Variants in ADA observed in about 807,000 individuals in gnomAD.
ADA encodes adenosine deaminase.
In ADA, 45 loss-of-function variants were observed where a neutral mutation model predicts 49.0. That is an observed-to-expected ratio of 0.92 (90% confidence interval 0.72 to 1.18). The LOEUF is 1.18. ADA is among the 50% of genes most tolerant of loss of function. The pLI is 0.00. For missense variants in ADA, 445 were observed against 472.5 expected, an observed-to-expected ratio of 0.94 and a Z score of 0.54; for synonymous variants, 173 against 184.2, an observed-to-expected ratio of 0.94 and a Z score of 0.49.
At chr20:44,626,958 C>A (rs183408486) in intron 3 of ADA, among the ~76,000 whole-genome samples, 1 of 152,228 alleles carries the variant, frequency 6.6e-6, no homozygotes, top group South Asian at 2.1e-4. Flanking sequence ...CTTCCTGCCA[C>A]GGAGAGTGAC....
rs759962237 is a variant in ADA, at chr20:44,626,472, G to A, written c.346C>T (p.Pro116Ser). Reference protein sequence around the residue: ...LLANSKVEPIPWNQAEGDLTP... With the variant: ...LLANSKVEPISWNQAEGDLTP... ...ATCACTCACTCAGCCTGGTTCCAGG[G>A]GATTGGCTCCACTTTGGAGTTGGCC... The change falls in exon 4 of 12, where the codon CCC (proline) becomes TCC (serine). Residue 116 changes from proline to serine, a missense_variant. By Grantham distance (74) the Pro-to-Ser change is moderately conservative (BLOSUM62 -1). Coordinates refer to ENST00000372874, the MANE Select transcript of ADA (RefSeq NM_000022.4). 1 of 1,613,970 alleles carries A rather than the reference G, an allele frequency of 6.2e-7. No individual in the cohort carries two copies. The highest frequency in any genetic ancestry group is 1.1e-5 in the South Asian group (1 of 91,070).
intron 1 of ADA, among the ~76,000 whole-genome samples, chr20:44,646,890 C>T (rs2065597536): frequency 6.6e-6 from 1 of 152,010 alleles, no homozygotes; most frequent in Admixed American, 6.5e-5. Context: ...TCAAGTCTAG[C>T]TCTGCTGCTT....
chr20:44,633,842 A>G (rs2065455365), intron 2 of ADA, among the ~76,000 whole-genome samples: 2 of 152,268 alleles, frequency 1.3e-5, no homozygotes, highest in Non-Finnish European at 2.9e-5. Context: ...GGCAGGCCTG[A>G]GTCCCAGAGC....
At chr20:44,629,255 G>A (rs964412302) in intron 2 of ADA, 86 bp from the exon 3 acceptor site, 24 of 1,588,324 alleles carry the variant, frequency 1.5e-5, no homozygotes, top group African/African-American at 8.1e-5. Context: ...ACTCAGGAGC[G>A]CCAGCCTCCT....
intron 1 of ADA, among the ~76,000 whole-genome samples, chr20:44,645,559 T>C (rs924329255): frequency 1.3e-5 from 2 of 151,480 alleles, no homozygotes; most frequent in African/African-American, 2.4e-5. Flanking sequence ...GAGGCAGAGG[T>C]TGTAGTGAGC....
Position 44,643,106 on chromosome 20 carries a change from A to T in ADA, c.34-6818T>A, listed in dbSNP as rs559230783. Among the ~76,000 whole-genome samples, 265 of 152,346 alleles carry T rather than the reference A, an allele frequency of 1.7e-3. 1 individual carries two copies. The highest frequency in any genetic ancestry group is 0.017 in the South Asian group (81 of 4,832). On this transcript the variant is annotated intron_variant, in intron 1 of 11. Transcript: ENST00000372874. ...CACACCATGGGAAGTCTGTCAGCCTATTCCAGATGACAATGACAATGGGGT... is the reference window on the plus strand; with the variant it reads ...CACACCATGGGAAGTCTGTCAGCCTTTTCCAGATGACAATGACAATGGGGT...
intron 2 of ADA, among the ~76,000 whole-genome samples, chr20:44,631,991 C>A (rs2065437938): frequency 6.6e-6 from 1 of 152,216 alleles, no homozygotes; most frequent in African/African-American, 2.4e-5. Context: ...ACGGGCGCCT[C>A]CCCGTGCCCA....
chr20:44,647,004 A>G (rs1489837000), intron 1 of ADA, among the ~76,000 whole-genome samples: 1 of 152,084 alleles, frequency 6.6e-6, no homozygotes, highest in Non-Finnish European at 1.5e-5. Context: ...GAGGGCTGAC[A>G]TAAACATTAA....
intron 2 of ADA, among the ~76,000 whole-genome samples, chr20:44,634,721 G>A (rs963293083): frequency 1.3e-5 from 2 of 152,264 alleles, no homozygotes; most frequent in African/African-American, 2.4e-5. Context: ...AGTGCGAAAA[G>A]ATGGAGAATA....
At chr20:44,644,951 G>A (rs1294475591) in intron 1 of ADA, among the ~76,000 whole-genome samples, 1 of 152,224 alleles carries the variant, frequency 6.6e-6, no homozygotes, top group Non-Finnish European at 1.5e-5. Flanking sequence ...ACAAGACTGA[G>A]GCTCAGAGAG....
chr20:44,641,708 G>T (rs944199489), intron 1 of ADA, among the ~76,000 whole-genome samples: 5 of 152,006 alleles, frequency 3.3e-5, no homozygotes, highest in Admixed American at 6.6e-5. Context: ...TGGGACTGGT[G>T]GGGGGAGGTC....
intron 5 of ADA, 130 bp from the exon 6 acceptor site, chr20:44,624,459 C>T: frequency 7.9e-7 from 1 of 1,261,624 alleles, no homozygotes; most frequent in South Asian, 1.2e-5. Flanking sequence ...GTCTTCAAAT[C>T]CTAACTGCTA....
intron 9 of ADA, 70 bp from the exon 10 acceptor site, chr20:44,621,217 G>A (rs1054363452): frequency 6.9e-6 from 11 of 1,594,886 alleles, no homozygotes; most frequent in Admixed American, 6.7e-5. Context: ...ACACATTGAC[G>A]TTCACCCGCC....
intron 1 of ADA, among the ~76,000 whole-genome samples, chr20:44,638,833 C>G (rs534744232): frequency 9.3e-4 from 142 of 152,288 alleles, no homozygotes; most frequent in Non-Finnish European, 1.7e-3. Context: ...AGAGGGCCAA[C>G]AATGAGCCTG....
intron 11 of ADA, 148 bp from the exon 12 acceptor site, chr20:44,619,995 C>T: frequency 8.8e-7 from 1 of 1,133,816 alleles, no homozygotes; most frequent in Non-Finnish European, 1.3e-6. Context: ...AAGAAAGGAG[C>T]AGAACAGGCC....
chr20:44,638,927 G>C (rs1464403662), intron 1 of ADA, among the ~76,000 whole-genome samples: 3 of 152,180 alleles, frequency 2.0e-5, no homozygotes, highest in African/African-American at 7.2e-5. Context: ...CAGGCAGAAG[G>C]AACAGCATGT....
chr20:44,624,975 A>T (rs2065368407), intron 5 of ADA, among the ~76,000 whole-genome samples: 1 of 152,346 alleles, frequency 6.6e-6, no homozygotes, highest in South Asian at 2.1e-4. Context: ...CGAGGATTAG[A>T]GGAAATGCGT....
chr20:44,631,614 G>A (rs908197887), intron 2 of ADA, among the ~76,000 whole-genome samples: 5 of 152,154 alleles, frequency 3.3e-5, no homozygotes, highest in African/African-American at 1.2e-4. Flanking sequence ...AGCCATGTGC[G>A]ATTCTCCTAA....
chr20:44,620,306 G>A lies in ADA; in HGVS notation c.1071C>T (p.Ala357=). Residue 357 remains alanine, a synonymous_variant, in exon 11 of 12, where the codon GCC becomes GCT. Coordinates refer to ENST00000372874, the MANE Select transcript of ADA (RefSeq NM_000022.4). ...LYKAYGMPPS[A]SAGQNL is the part of the protein sequence containing the mutation. The stretch of plus-strand genomic sequence containing the variant: ...GCCCAGACAGGAACCTACCTGCAGA[G>A]GCTGAAGGTGGCATCCCATAGGCTT... 6.2e-7 allele frequency: 1 copy of A among 1,613,724 alleles called. No individual in the cohort carries two copies. Among genetic ancestry groups the A allele is most frequent in the South Asian group, 1.1e-5 (1 of 91,078 alleles).
Sources: gnomAD v4.1 joint callset for allele counts (sites outside exome capture counted in the v4.1 genomes callset) on GRCh38, gnomAD v4.1.1 for gene constraint, MANE v1.5 for transcripts, NCBI Gene and HGNC (gene_info 2026-07-23, HGNC 2026-07-21) for gene names.